The following PEAK1 variants were observed in gnomAD, a reference collection of about 807,000 sequenced individuals.
PEAK1 encodes inactive tyrosine-protein kinase PEAK1.
Under a neutral mutation model 124.7 loss-of-function variants are expected in PEAK1, and 54 were observed. The observed-to-expected ratio is 0.43, with a 90% confidence interval of 0.35 to 0.54. The LOEUF (loss-of-function observed/expected upper bound fraction) is 0.54, where lower values mean the gene tolerates loss of function less well. Among genes scored for constraint, PEAK1 ranks in the 20% least tolerant of loss-of-function variants. The pLI is 0.01. For synonymous variants in PEAK1, 719 were observed against 760.0 expected (o/e 0.95, Z 0.89); for missense variants, 2,046 against 2,134.5 (o/e 0.96, Z 0.82).
chr15:77,367,000 G>A (rs998128095), intron 1 of PEAK1, among the ~76,000 whole-genome samples: 20 of 152,264 alleles, frequency 1.3e-4, no homozygotes, highest in African/African-American at 4.6e-4. Flanking sequence ...TGGGTGTGGT[G>A]GTGTGCACCT....
At chr15:77,242,401 C>T (rs981258124) in intron 6 of PEAK1, among the ~76,000 whole-genome samples, 10 of 152,102 alleles carry the variant, frequency 6.6e-5, no homozygotes, top group Non-Finnish European at 1.2e-4. Context: ...TATTTGGTCT[C>T]ATTAAATTAC....
intron 5 of PEAK1, among the ~76,000 whole-genome samples, chr15:77,279,874 A>G (rs1293301952): frequency 6.6e-6 from 1 of 152,220 alleles, no homozygotes; most frequent in East Asian, 1.9e-4. Flanking sequence ...ATATTCTGGA[A>G]CAGGTAAAAC....
intron 1 of PEAK1, among the ~76,000 whole-genome samples, chr15:77,415,515 C>T (rs2072805849): frequency 6.6e-6 from 1 of 152,162 alleles, no homozygotes; most frequent in Non-Finnish European, 1.5e-5. Context: ...CCTGCCCCAG[C>T]CTACTGAGTA....
chr15:77,393,150 G>A (rs1040024937), intron 1 of PEAK1, among the ~76,000 whole-genome samples: 1 of 152,200 alleles, frequency 6.6e-6, no homozygotes, highest in African/African-American at 2.4e-5. Context: ...GCCACCATGG[G>A]CTGAAGTGCT....
intron 6 of PEAK1, among the ~76,000 whole-genome samples, chr15:77,193,572 G>A (rs2057952745): frequency 6.6e-6 from 1 of 152,122 alleles, no homozygotes; most frequent in African/African-American, 2.4e-5. Context: ...TGTCAACCAG[G>A]TGTGGTGGCT....
At chr15:77,224,133 GT>G (rs907916399) in intron 6 of PEAK1, among the ~76,000 whole-genome samples, 135 of 146,130 alleles carry the variant, frequency 9.2e-4, no homozygotes, top group African/African-American at 2.6e-3. Flanking sequence ...ATAAGTAGTA[GT>G]TTTTTTTTTT....
Position 77,126,727 on chromosome 15 carries a change from TAC to T in PEAK1, c.4077+6276_4077+6277del, listed in dbSNP as rs1441977746. 4.6e-5 allele frequency among the ~76,000 whole-genome samples: 7 copies of T among 152,292 alleles called. No individual in the cohort carries two copies. In the East Asian group the frequency reaches 1.2e-3, roughly 25 times the overall value. On this transcript the variant is annotated intron_variant, in intron 9 of 9. Transcript: ENST00000682557. ...GAGAGGCGCATGACTTGCATAAAAATACACAGTGATATCTTCAGAACTTGGAC... is the reference window on the plus strand; with the variant it reads ...GAGAGGCGCATGACTTGCATAAAAATACAGTGATATCTTCAGAACTTGGAC...
chr15:77,197,015 T>TA (rs1567101792), intron 6 of PEAK1, among the ~76,000 whole-genome samples: 1 of 136,138 alleles, frequency 7.3e-6, no homozygotes, highest in Non-Finnish European at 1.7e-5. Context: ...TATGCCTGGC[T>TA]AATTTTTTTT....
In PEAK1 at chr15:77,114,545, T is replaced by G; in HGVS notation, c.4852A>C (p.Arg1618=). ...GGCAGGTCTGCTCGTGTGTATTCCC[T>G]CTCCTTCAGCTCTGGGTTCTCATCA... ...PFDENPELKE[R]EYTRADLPRI... Residue 1618 remains arginine (R), a synonymous_variant, in exon 10 of 10, where the codon AGG becomes CGG. Coordinates refer to ENST00000682557, the MANE Select transcript of PEAK1 (RefSeq NM_001385026.1). 1 of 1,614,060 alleles carries G rather than the reference T, an allele frequency of 6.2e-7. No homozygotes were observed. The highest frequency in any genetic ancestry group is 1.1e-5 in the South Asian group (1 of 91,056).
chr15:77,403,031 G>A (rs2142027351), intron 1 of PEAK1: 1 of 985,072 alleles, frequency 1.0e-6, no homozygotes, highest in South Asian at 4.7e-5. Context: ...AAGCAATGAT[G>A]AAATGTTGCA....
rs2051225689 is a variant in PEAK1 at position 77,114,951 on chromosome 15, A to G, written c.4446T>C (p.His1482=). ...ADFVRDSLAQ[H]GKSPDLYERQ... ...TCTCATACAAATCAGGGCTTTTCCC[A>G]TGCTGGGCCAGAGAGTCTCGCACAA... The change falls in exon 10 of 10, where the codon CAT becomes CAC. Residue 1482 remains histidine, a synonymous_variant. Transcript: ENST00000682557. 6.2e-7 allele frequency: 1 copy of G among 1,613,996 alleles called. No homozygotes were observed. The highest frequency in any genetic ancestry group is 8.5e-7 in the Non-Finnish European group (1 of 1,180,022).
At chr15:77,152,866 T>G (rs1459991602) in intron 8 of PEAK1, among the ~76,000 whole-genome samples, 2 of 152,204 alleles carry the variant, frequency 1.3e-5, no homozygotes, top group East Asian at 1.9e-4. Context: ...ATAAGCTTTT[T>G]GATGTGCTGC....
intron 5 of PEAK1, chr15:77,255,621 A>G (rs2061089338): frequency 6.6e-6 from 1 of 152,612 alleles, no homozygotes; most frequent in African/African-American, 2.4e-5. Flanking sequence ...CTTCCAGAAC[A>G]TTCATAGTAC....
intron 5 of PEAK1, among the ~76,000 whole-genome samples, chr15:77,280,567 T>A (rs925057248): frequency 2.7e-5 from 4 of 147,522 alleles, no homozygotes; most frequent in Non-Finnish European, 6.0e-5. Context: ...TGATTTCCTT[T>A]TTTTTTTTTT....
chr15:77,158,435 A>C, intron 8 of PEAK1, 68 bp downstream of exon 8: 1 of 1,405,184 alleles, frequency 7.1e-7, no homozygotes, highest in Non-Finnish European at 1.0e-6. Flanking sequence ...TCTCCAAGAA[A>C]ACAGAACATT....
At chr15:77,343,702 T>C (rs2066692495) in intron 2 of PEAK1, among the ~76,000 whole-genome samples, 1 of 152,110 alleles carries the variant, frequency 6.6e-6, no homozygotes, top group South Asian at 2.1e-4. Context: ...GCCAGGCTAG[T>C]CACAAACTCC....
At chr15:77,138,149 C>G (rs1371646964) in intron 8 of PEAK1, among the ~76,000 whole-genome samples, 1 of 152,150 alleles carries the variant, frequency 6.6e-6, no homozygotes, top group Non-Finnish European at 1.5e-5. Flanking sequence ...TGTAAATTGC[C>G]CAGTCTTGGA....
rs1195735475 is a variant in PEAK1 at position 77,133,805 on chromosome 15, A to T, written c.3332-55T>A. 1 of 1,487,818 alleles carries T rather than the reference A, an allele frequency of 6.7e-7. No homozygotes were observed. The highest frequency in any genetic ancestry group is 2.3e-5 in the East Asian group (1 of 43,146). The allele number at this position is 1,487,818 out of a possible 1,614,324, so 92.2% of individuals were successfully genotyped here. ...AAGAGTAAGTAAAGTTTTCAATCTA[A>T]TTTTATAACTGAAACTTGAGCAGAA... On this transcript the variant is annotated intron_variant, in intron 8 of 9. Coordinates refer to ENST00000682557, the MANE Select transcript of PEAK1 (RefSeq NM_001385026.1). This position sits in a 1 kb window ranked among gnomAD's most constrained non-coding sequence, Gnocchi z 4.2.
intron 2 of PEAK1, chr15:77,335,677 G>A (rs1367350980): frequency 1.3e-6 from 1 of 745,926 alleles, no homozygotes; most frequent in Non-Finnish European, 1.6e-6. Context: ...ACAGGGTCTT[G>A]CCCAGGCTGA....
Sources: gnomAD v4.1 joint callset for allele counts (sites outside exome capture counted in the v4.1 genomes callset) on GRCh38, gnomAD v4.1.1 for gene constraint, Gnocchi (gnomAD v3.1) non-coding constraint, MANE v1.5 for transcripts, NCBI Gene and HGNC (gene_info 2026-07-23, HGNC 2026-07-21) for gene names.